The following NTF3 variants were observed in gnomAD, a reference collection of about 807,000 sequenced individuals.
The protein encoded by NTF3 is neurotrophin-3.
NTF3 carries 8 observed loss-of-function variants against 26.3 expected under a neutral mutation model. That is an observed-to-expected ratio of 0.30 (90% CI 0.18 to 0.55). NTF3 has a LOEUF of 0.55. Ranked by LOEUF, NTF3 falls within the 20% of genes least tolerant of loss-of-function variation. The pLI, the probability that NTF3 is intolerant of heterozygous loss-of-function variation, is 0.93. For missense variants in NTF3, 276 were observed against 352.9 expected (o/e 0.78, Z 1.75); for synonymous variants, 154 against 145.5 (o/e 1.06, Z -0.42).
Position 5,451,087 on chromosome 12 carries a change from C to T in NTF3, c.18+18745C>T, listed in dbSNP as rs568475856. On this transcript the variant is annotated intron_variant, in intron 1 of 1. Transcript: ENST00000423158. The stretch of plus-strand genomic sequence containing the variant: ...AAATCATTTTCCTTCCCTTCAATCC[C>T]TCTCCAGTGCCTTACACCTTCTTGC... Among the ~76,000 whole-genome samples the T allele has an allele frequency of 2.6e-5, 4 of 152,286 alleles. No homozygotes were observed. In the South Asian group the frequency reaches 6.2e-4, roughly 24 times the overall value.
At chr12:5,435,511 A>C (rs910184241) in intron 1 of NTF3, among the ~76,000 whole-genome samples, 2 of 152,214 alleles carry the variant, frequency 1.3e-5, no homozygotes, top group Non-Finnish European at 2.9e-5. Context: ...AAAGTGGGGC[A>C]TAAAGAGAGG....
intron 1 of NTF3, among the ~76,000 whole-genome samples, chr12:5,439,498 C>T (rs1335701946): frequency 6.6e-6 from 1 of 152,170 alleles, no homozygotes. Context: ...TGCTCCCTGC[C>T]CCCGGAAGCC....
chr12:5,432,406 GA>G (rs1180435280), intron 1 of NTF3, 64 bp downstream of exon 1: 3 of 1,578,130 alleles, frequency 1.9e-6, no homozygotes, highest in Non-Finnish European at 1.7e-6. Flanking sequence ...CGTGGGGAGG[GA>G]TTTTCCAGTG....
chr12:5,441,687 C>T (rs923031306), intron 1 of NTF3, among the ~76,000 whole-genome samples: 5 of 152,198 alleles, frequency 3.3e-5, no homozygotes, highest in Admixed American at 1.3e-4. Context: ...TGAATGAATG[C>T]GTGACCAGCC....
At position 5,495,212 on chromosome 12, in the gene NTF3, G is replaced by A; in HGVS notation, c.*224G>A. The A allele has an allele frequency of 3.8e-6, 2 of 533,068 alleles. No individual in the cohort carries two copies. Among genetic ancestry groups the A allele is most frequent in the Non-Finnish European group, 6.8e-6 (2 of 295,670 alleles). 33.0% of individuals were successfully genotyped at this position (533,068 alleles called of 1,614,324 possible). ...TTGTTTTGTGATCCGGCTCTCAGGA[G>A]TCACTCTGTAAAATCTGTGTACACC... is the stretch of plus-strand genomic sequence containing the variant. On this transcript the variant is annotated 3_prime_UTR_variant, in exon 2 of 2. Transcript: ENST00000423158.
rs1940127272 is a variant in NTF3 at position 5,433,492 on chromosome 12, G to T, written c.18+1150G>T. Among the ~76,000 whole-genome samples, 1 of 152,168 alleles carries T rather than the reference G, an allele frequency of 6.6e-6. No individual in the cohort carries two copies. The highest frequency in any genetic ancestry group is 6.5e-5 in the Admixed American group (1 of 15,284). On this transcript the variant is annotated intron_variant, in intron 1 of 1. Coordinates refer to ENST00000423158, the MANE Select transcript of NTF3 (RefSeq NM_001102654.2). The surrounding 1 kb of genome is among the most constrained non-coding windows in gnomAD (Gnocchi z 4.6). ...GCATGGGATGGGGGAGTAGGATTCT[G>T]CTTGTTGCTCTCCGCGGGAGTGGGT...
chr12:5,459,621 C>T (rs1324632769), intron 1 of NTF3, among the ~76,000 whole-genome samples: 2 of 152,196 alleles, frequency 1.3e-5, no homozygotes, highest in African/African-American at 4.8e-5. Context: ...TTTACACCTG[C>T]AGTTGCAATA....
At chr12:5,431,960 G>GC (rs1166919425), upstream of NTF3, among the ~76,000 whole-genome samples, 1 of 144,510 alleles carries the variant, frequency 6.9e-6, no homozygotes, top group Admixed American at 6.9e-5. Context: ...CGAAGTGAGG[G>GC]CGGGGGGGGG....
At chr12:5,443,766 CTCTG>C (rs111392082) in intron 1 of NTF3, among the ~76,000 whole-genome samples, 50 of 152,092 alleles carry the variant, frequency 3.3e-4, no homozygotes, top group African/African-American at 1.2e-3. Context: ...GTCTCTTTTT[CTCTG>C]TCTTTCTTAG....
chr12:5,490,028 C>G (rs1940914613), intron 1 of NTF3, among the ~76,000 whole-genome samples: 1 of 152,198 alleles, frequency 6.6e-6, no homozygotes, highest in African/African-American at 2.4e-5. Context: ...CGGTCAGGAT[C>G]TTGGAAAACT....
chr12:5,483,058 TTCTC>T (rs1565395899), intron 1 of NTF3, among the ~76,000 whole-genome samples: 1 of 151,878 alleles, frequency 6.6e-6, no homozygotes, highest in Non-Finnish European at 1.5e-5. Flanking sequence ...TTTTTATCCT[TTCTC>T]TGTCTCTTTG....
At chr12:5,481,638 T>C (rs111219528) in intron 1 of NTF3, among the ~76,000 whole-genome samples, 1 of 140,832 alleles carries the variant, frequency 7.1e-6, no homozygotes, top group Admixed American at 7.2e-5. Flanking sequence ...CATGCACACA[T>C]ACAGATATAC....
chr12:5,480,413 G>C (rs1001911725), intron 1 of NTF3, among the ~76,000 whole-genome samples: 1 of 152,184 alleles, frequency 6.6e-6, no homozygotes, highest in Admixed American at 6.5e-5. Context: ...GTAAAAGCTT[G>C]CTCTAAGCAA....
chr12:5,494,156 G>T lies in NTF3; in HGVS notation c.19-38G>T. On this transcript the variant is annotated intron_variant, in intron 1 of 1. Transcript: ENST00000423158. This position sits in a 1 kb window ranked among gnomAD's most constrained non-coding sequence, Gnocchi z 8.3. Reference sequence around the variant, plus strand: ...GTGCCAGAATAACACAGACTCAGCTGCCAGAGCCTGCTCTTAACACCTGTG... The same window carrying T: ...GTGCCAGAATAACACAGACTCAGCTTCCAGAGCCTGCTCTTAACACCTGTG... The T allele has an allele frequency of 6.3e-7, 1 of 1,589,440 alleles. No individual in the cohort carries two copies. The highest frequency in any genetic ancestry group is 8.6e-7 in the Non-Finnish European group (1 of 1,168,266).
intron 1 of NTF3, among the ~76,000 whole-genome samples, chr12:5,453,552 G>A (rs540408729): frequency 1.1e-4 from 17 of 152,330 alleles, no homozygotes; most frequent in South Asian, 2.1e-4. Context: ...TTATCTGTGC[G>A]CTGCATTGTA....
At position 5,432,294 on chromosome 12, in the gene NTF3, C is replaced by T; in HGVS notation, c.-31C>T. The T allele has an allele frequency of 6.2e-7, 1 of 1,613,120 alleles. No homozygotes were observed. Among genetic ancestry groups the T allele is most frequent in the Non-Finnish European group, 8.5e-7 (1 of 1,179,644 alleles). On this transcript the variant is annotated 5_prime_UTR_variant, in exon 1 of 2. Coordinates refer to ENST00000423158, the MANE Select transcript of NTF3 (RefSeq NM_001102654.2). ...CTCGCGTCCACCTTTCTCTTCATGT[C>T]GACGTCCCTGGAAACGGCCACACGG...
chr12:5,432,531 C>G (rs924377584), intron 1 of NTF3, 189 bp downstream of exon 1: 1 of 165,942 alleles, frequency 6.0e-6, no homozygotes, highest in Non-Finnish European at 1.2e-5. Context: ...CTGCTCAGGC[C>G]GAAGCGCAAC....
chr12:5,459,775 T>C (rs536577707), intron 1 of NTF3, among the ~76,000 whole-genome samples: 1 of 152,320 alleles, frequency 6.6e-6, no homozygotes, highest in Admixed American at 6.5e-5. Context: ...TTCAATTGTT[T>C]TCTCTTTGGG....
At chr12:5,434,800 G>A (rs1940146431) in intron 1 of NTF3, among the ~76,000 whole-genome samples, 1 of 151,968 alleles carries the variant, frequency 6.6e-6, no homozygotes, top group African/African-American at 2.4e-5. Flanking sequence ...GTGGAAGGTT[G>A]GGCGCCTGAG....
Sources: allele counts gnomAD v4.1 joint callset (sites outside exome capture counted in the v4.1 genomes callset), GRCh38; gene constraint gnomAD v4.1.1; non-coding constraint Gnocchi (gnomAD v3.1); transcripts MANE v1.5; gene names NCBI Gene and HGNC (gene_info 2026-07-23, HGNC 2026-07-21).